The following MYT1L variants were observed in gnomAD, a reference collection of about 807,000 sequenced individuals.
MYT1L encodes myelin transcription factor 1 like, also known as myelin transcription factor 1-like protein.
In MYT1L, 12 loss-of-function variants were observed where a neutral mutation model predicts 126.7. The observed-to-expected ratio is 0.09, with a 90% CI of 0.06 to 0.15. The LOEUF (loss-of-function observed/expected upper bound fraction) is 0.15. MYT1L is among the 10% of genes least tolerant of loss of function. MYT1L has a pLI of 1.00. For synonymous variants in MYT1L, 541 were observed against 604.2 expected, an observed-to-expected ratio of 0.90 and a Z score of 1.53; for missense variants, 979 against 1,585.2, an observed-to-expected ratio of 0.62 and a Z score of 6.49.
intron 8 of MYT1L, among the ~76,000 whole-genome samples, chr2:1,965,813 C>A (rs2149410880): frequency 6.6e-6 from 1 of 152,348 alleles, no homozygotes; most frequent in South Asian, 2.1e-4. Flanking sequence ...GAGCTTGCTG[C>A]TGCTTTTCAG....
chr2:2,311,149 A>G (rs1015109015), intron 1 of MYT1L, among the ~76,000 whole-genome samples: 2 of 152,218 alleles, frequency 1.3e-5, no homozygotes, highest in African/African-American at 4.8e-5. Flanking sequence ...TTTCAAAACT[A>G]CAAATGACAT....
chr2:2,139,198 C>G (rs547875209), intron 3 of MYT1L, among the ~76,000 whole-genome samples: 4 of 152,200 alleles, frequency 2.6e-5, no homozygotes, highest in Admixed American at 6.5e-5. Context: ...CGTCCCCTGA[C>G]TGCTGGAATG....
At chr2:2,167,543 T>C (rs2089353126) in intron 3 of MYT1L, among the ~76,000 whole-genome samples, 2 of 152,206 alleles carry the variant, frequency 1.3e-5, no homozygotes, top group Non-Finnish European at 2.9e-5. Context: ...AACTCACCCA[T>C]GGTCTCTCAC....
At chr2:2,032,835 G>C (rs534873874) in intron 4 of MYT1L, among the ~76,000 whole-genome samples, 23 of 138,450 alleles carry the variant, frequency 1.7e-4, no homozygotes, top group African/African-American at 6.4e-4. Context: ...CTGTGGCCCA[G>C]AGCAGATTCT....
rs55751350 is a variant in MYT1L at position 2,120,644 on chromosome 2, T to C, written c.-304+52228A>G. Among the ~76,000 whole-genome samples, 1,045 of 152,076 alleles carry C rather than the reference T, an allele frequency of 6.9e-3. 7 individuals carry two copies. Among genetic ancestry groups the C allele is most frequent in the Middle Eastern group, 0.017 (5 of 294 alleles). On this transcript the variant is annotated intron_variant, in intron 3 of 24. Transcript: ENST00000647738. Reference sequence around the variant, plus strand: ...TCATGCTCTTACAAAAATCAAGCTGTTGGTGAAACTCAAACAAGAGAAGCT... The same window carrying C: ...TCATGCTCTTACAAAAATCAAGCTGCTGGTGAAACTCAAACAAGAGAAGCT...
chr2:1,889,474 G>T lies in MYT1L; in HGVS notation c.2287C>A (p.Pro763Thr). ...KPQDLCATRN[P>T]DMEVDENGTL... ...CCGTTCTCATCCACCTCCATGTCAG[G>T]GTTCTGTCGGTAGAAAGACATAGTG... The change falls in exon 16 of 25, where the codon CCT becomes ACT. Residue 763 changes from proline to threonine, a missense_variant. By Grantham distance (38) the Pro-to-Thr change is conservative. Around this residue, in one of 12 missense-constraint regions of MYT1L, gnomAD observed 141 missense variants for 170.6 expected, o/e 0.83. Coordinates refer to ENST00000647738, the MANE Select transcript of MYT1L (RefSeq NM_001303052.2). The surrounding 1 kb of genome is among the most constrained non-coding windows in gnomAD (Gnocchi z 4.1). 1 of 1,591,904 alleles carries T rather than the reference G, an allele frequency of 6.3e-7. No individual in the cohort carries two copies.
chr2:1,921,017 G>A (rs893699938), intron 10 of MYT1L, among the ~76,000 whole-genome samples: 6 of 152,206 alleles, frequency 3.9e-5, no homozygotes, highest in Non-Finnish European at 8.8e-5. Flanking sequence ...CTAGCTTGCC[G>A]CAGAAGGTAG....
intron 18 of MYT1L, among the ~76,000 whole-genome samples, chr2:1,860,089 G>A (rs1308377829): frequency 6.6e-6 from 1 of 152,142 alleles, no homozygotes. Context: ...CCAACACTGC[G>A]AACCGCTGCA....
intron 3 of MYT1L, among the ~76,000 whole-genome samples, chr2:2,054,575 G>A (rs886189691): frequency 1.3e-5 from 2 of 151,816 alleles, no homozygotes; most frequent in Non-Finnish European, 2.9e-5. Context: ...TGAAACACAC[G>A]GAGATGAGAC....
chr2:1,979,242 A>G lies in MYT1L; in HGVS notation c.90-15T>C, dbSNP rs763427627. Reference sequence around the variant, plus strand: ...GGGTGGGACAGCTGCAACAGGAAAGAATGGATTACACGGTGCCGCAGGCAG... The same window carrying G: ...GGGTGGGACAGCTGCAACAGGAAAGGATGGATTACACGGTGCCGCAGGCAG... On this transcript the variant is annotated splice_polypyrimidine_tract_variant and intron_variant, in intron 7 of 24. Transcript: ENST00000647738. This position sits in a 1 kb window ranked among gnomAD's most constrained non-coding sequence, Gnocchi z 4.0. 1.2e-5 allele frequency: 20 copies of G among 1,612,580 alleles called. No individual in the cohort carries two copies. The South Asian group carries it at 2.2e-4, about 18-fold the overall frequency.
At chr2:1,946,402 T>C (rs1420420283) in intron 8 of MYT1L, among the ~76,000 whole-genome samples, 1 of 152,142 alleles carries the variant, frequency 6.6e-6, no homozygotes, top group African/African-American at 2.4e-5. Flanking sequence ...CTGTCTTCCA[T>C]GAAACTGGTC....
chr2:2,075,937 A>T (rs1256344482), intron 3 of MYT1L, among the ~76,000 whole-genome samples: 1 of 152,226 alleles, frequency 6.6e-6, no homozygotes, highest in Non-Finnish European at 1.5e-5. Context: ...CAAGGAAAAG[A>T]ATTGATGGGT....
chr2:1,860,363 C>T lies in MYT1L; in HGVS notation c.2712-8660G>A, dbSNP rs147137588. ...TGCAGCTGACGCAAGGCAACAGAAA[C>T]GCCACCCCAGCCTCTCGCCCTCGCG... On this transcript the variant is annotated intron_variant, in intron 18 of 24. Coordinates refer to ENST00000647738, the MANE Select transcript of MYT1L (RefSeq NM_001303052.2). Among the ~76,000 whole-genome samples, 462 of 152,196 alleles carry T rather than the reference C, an allele frequency of 3.0e-3. 2 individuals are homozygous for T. Among genetic ancestry groups the T allele is most frequent in the African/African-American group, 0.011 (441 of 41,548 alleles).
At chr2:1,836,133 C>G (rs899246760) in intron 21 of MYT1L, among the ~76,000 whole-genome samples, 1 of 152,086 alleles carries the variant, frequency 6.6e-6, no homozygotes, top group East Asian at 1.9e-4. Context: ...AAGGGAGCTT[C>G]TAGCATTGCA....
At chr2:2,247,281 C>CA (rs11402431) in intron 2 of MYT1L, among the ~76,000 whole-genome samples, 32,340 of 151,812 alleles carry the variant, frequency 0.21, 3,575 homozygotes, top group South Asian at 0.24. Context: ...CTGTAAGAGA[C>CA]AAAAAAGATC....
intron 2 of MYT1L, among the ~76,000 whole-genome samples, chr2:2,201,354 C>G (rs2148825603): frequency 6.6e-6 from 1 of 152,256 alleles, no homozygotes; most frequent in African/African-American, 2.4e-5. Flanking sequence ...ATGATCTTAT[C>G]AATTGTTCAA....
intron 3 of MYT1L, among the ~76,000 whole-genome samples, chr2:2,138,438 C>G (rs1351164487): frequency 7.1e-6 from 1 of 141,354 alleles, no homozygotes; most frequent in African/African-American, 2.7e-5. Context: ...AGACTTGGAA[C>G]CAACCCAAAT....
intron 4 of MYT1L, among the ~76,000 whole-genome samples, chr2:2,021,626 G>A (rs1018250457): frequency 1.3e-5 from 2 of 152,158 alleles, no homozygotes; most frequent in African/African-American, 2.4e-5. Context: ...AGCCGGGCGC[G>A]GTGGCCCACG....
chr2:1,945,413 G>C (rs2057118590), intron 8 of MYT1L, among the ~76,000 whole-genome samples: 1 of 152,172 alleles, frequency 6.6e-6, no homozygotes, highest in Admixed American at 6.5e-5. Flanking sequence ...TGAGACAGAT[G>C]AGAGAGGCCA....
Sources: allele counts gnomAD v4.1 joint callset (sites outside exome capture counted in the v4.1 genomes callset), GRCh38; gene constraint gnomAD v4.1.1; regional missense constraint gnomAD v4.1.1; non-coding constraint Gnocchi (gnomAD v3.1); transcripts MANE v1.5; gene names NCBI Gene and HGNC (gene_info 2026-07-23, HGNC 2026-07-21).